CDH4: variants seen among roughly 807,000 people sequenced by gnomAD.
CDH4 encodes cadherin-4.
In CDH4, 33 loss-of-function variants were observed where a neutral mutation model predicts 86.0. The observed-to-expected ratio is 0.38, with a 90% CI of 0.29 to 0.51. The LOEUF (loss-of-function observed/expected upper bound fraction) is 0.51, where lower values mean the gene tolerates loss of function less well. Ranked by LOEUF, CDH4 falls within the 20% of genes least tolerant of loss-of-function variation. The pLI, the probability that CDH4 is intolerant of heterozygous loss-of-function variation, is 0.86. For missense variants in CDH4, 1,114 were observed against 1,307.4 expected (o/e 0.85, Z 2.28); for synonymous variants, 555 against 549.4 (o/e 1.01, Z -0.14).
chr20:61,648,404 G>A (rs2087087767), intron 2 of CDH4, among the ~76,000 whole-genome samples: 1 of 152,140 alleles, frequency 6.6e-6, no homozygotes, highest in Non-Finnish European at 1.5e-5. Context: ...AACCTCTGAG[G>A]GCCGGCAGTG....
intron 6 of CDH4, among the ~76,000 whole-genome samples, chr20:61,868,717 C>CACACTGGGCGGATGTCCCCCA: frequency 6.6e-6 from 1 of 152,228 alleles, no homozygotes; most frequent in Non-Finnish European, 1.5e-5. Flanking sequence ...GGTGTCCCCC[C>CACACTGGGCGGATGTCCCCCA]ACACTGGGCA....
intron 2 of CDH4, among the ~76,000 whole-genome samples, chr20:61,574,202 A>G (rs563820805): frequency 3.4e-4 from 52 of 152,328 alleles, no homozygotes; most frequent in African/African-American, 1.3e-3. Flanking sequence ...GCACACATAT[A>G]GATTCAAAAG....
At chr20:61,717,537 G>A (rs1406923804) in intron 2 of CDH4, 1 of 152,214 alleles carries the variant, frequency 6.6e-6, no homozygotes, top group Non-Finnish European at 1.5e-5. Flanking sequence ...ACCGAAGCTG[G>A]AGTGCAGTGG....
intron 2 of CDH4, among the ~76,000 whole-genome samples, chr20:61,260,985 G>T (rs911303659): frequency 3.3e-5 from 5 of 152,218 alleles, no homozygotes; most frequent in African/African-American, 1.2e-4. Context: ...GAGGGTCCTG[G>T]TAGCCCTGGT....
At position 61,377,385 on chromosome 20, in the gene CDH4, A is replaced by G. The variant is rs994407505; in HGVS notation, c.169+122448A>G. 6.6e-6 allele frequency among the ~76,000 whole-genome samples: 1 copy of G among 152,088 alleles called. No individual in the cohort carries two copies. Among genetic ancestry groups the G allele is most frequent in the Non-Finnish European group, 1.5e-5 (1 of 68,020 alleles). The stretch of plus-strand genomic sequence containing the variant: ...ATCGGACGGTTGAGTTGTGTGGTCC[A>G]GGGCTCTGCCGGCCCCGCCTCCTGG... On this transcript the variant is annotated intron_variant, in intron 2 of 15. Coordinates refer to ENST00000614565, the MANE Select transcript of CDH4 (RefSeq NM_001794.5). This position sits in a 1 kb window ranked among gnomAD's most constrained non-coding sequence, Gnocchi z 4.0.
At chr20:61,693,665 G>A (rs2087684629) in intron 2 of CDH4, among the ~76,000 whole-genome samples, 1 of 152,182 alleles carries the variant, frequency 6.6e-6, no homozygotes, top group African/African-American at 2.4e-5. Context: ...GCCTTCCTGA[G>A]CTACAGCGTT....
At position 61,780,851 on chromosome 20, in the gene CDH4, C is replaced by T. The variant is rs1329459231; in HGVS notation, c.576+7669C>T. Among the ~76,000 whole-genome samples the T allele has an allele frequency of 5.9e-5, 9 of 152,288 alleles. No individual in the cohort carries two copies. The South Asian group carries it at 1.9e-3, about 32-fold the overall frequency. ...GCCTTGCCTCAAAGGGTGAGTGGAT[C>T]TCAGGCAGGAAGCCACAGACGTGCT... is the stretch of plus-strand genomic sequence containing the variant. On this transcript the variant is annotated intron_variant, in intron 4 of 15. Transcript: ENST00000614565.
chr20:61,756,974 G>A (rs987191100), intron 3 of CDH4, among the ~76,000 whole-genome samples: 7 of 152,196 alleles, frequency 4.6e-5, no homozygotes, highest in South Asian at 2.1e-4. Context: ...GGCCCTCAAC[G>A]GGACTGAAAA....
chr20:61,758,750 C>T (rs944915019), intron 3 of CDH4, among the ~76,000 whole-genome samples: 9 of 152,210 alleles, frequency 5.9e-5, no homozygotes, highest in Middle Eastern at 3.2e-3. Flanking sequence ...GGCCTCCTGA[C>T]GGGGGACGAG....
intron 2 of CDH4, among the ~76,000 whole-genome samples, chr20:61,469,515 G>C (rs943921747): frequency 6.6e-6 from 1 of 152,108 alleles, no homozygotes; most frequent in Non-Finnish European, 1.5e-5. Flanking sequence ...TGGGTTGTCT[G>C]TTCACTTTGT....
intron 2 of CDH4, among the ~76,000 whole-genome samples, chr20:61,739,861 G>A (rs182384607): frequency 5.6e-4 from 86 of 152,338 alleles, no homozygotes; most frequent in African/African-American, 1.8e-3. Flanking sequence ...CTCTCCAGCC[G>A]ACGCCTCAGG....
At chr20:61,617,871 C>T (rs1412739857) in intron 2 of CDH4, among the ~76,000 whole-genome samples, 1 of 152,120 alleles carries the variant, frequency 6.6e-6, no homozygotes, top group Admixed American at 6.5e-5. Context: ...TGAGGAGGGA[C>T]CCGGTGGGAG....
At chr20:61,384,349 C>A (rs978914915) in intron 2 of CDH4, among the ~76,000 whole-genome samples, 3 of 152,098 alleles carry the variant, frequency 2.0e-5, no homozygotes, top group African/African-American at 7.2e-5. Flanking sequence ...GAGCATGGAA[C>A]CCAGGTCAGC....
Position 61,866,827 on chromosome 20 carries a change from G to A in CDH4, c.878-6901G>A, listed in dbSNP as rs538121911. Among the ~76,000 whole-genome samples, 6 of 152,334 alleles carry A rather than the reference G, an allele frequency of 3.9e-5. No homozygotes were observed. The South Asian group carries it at 6.2e-4, about 16-fold the overall frequency. ...GGCCTTAAAAAGCAGATTCCTGAAC[G>A]TAGCAAAAAGAAAAAAGCGTAGATG... On this transcript the variant is annotated intron_variant, in intron 6 of 15. Coordinates refer to ENST00000614565, the MANE Select transcript of CDH4 (RefSeq NM_001794.5).
chr20:61,507,104 A>G (rs186521720), intron 2 of CDH4, among the ~76,000 whole-genome samples: 123 of 152,322 alleles, frequency 8.1e-4, no homozygotes, highest in African/African-American at 2.6e-3. Context: ...CATGTGTGAG[A>G]TTGTTTAGCA....
intron 2 of CDH4, among the ~76,000 whole-genome samples, chr20:61,340,576 T>C (rs1319436780): frequency 6.6e-6 from 1 of 151,918 alleles, no homozygotes; most frequent in South Asian, 2.1e-4. Flanking sequence ...TTGTTTCTTT[T>C]ATTTATATGT....
chr20:61,665,904 G>A (rs542251891), intron 2 of CDH4, among the ~76,000 whole-genome samples: 145 of 152,282 alleles, frequency 9.5e-4, no homozygotes, highest in South Asian at 3.7e-3. Flanking sequence ...AAATCGCAGC[G>A]GTGGGACCGA....
chr20:61,691,856 T>C (rs746725258), intron 2 of CDH4, among the ~76,000 whole-genome samples: 3 of 151,566 alleles, frequency 2.0e-5, no homozygotes, highest in Non-Finnish European at 4.4e-5. Context: ...CATGACTGTG[T>C]ATCGCACACC....
intron 2 of CDH4, among the ~76,000 whole-genome samples, chr20:61,690,569 C>G (rs989494980): frequency 6.6e-5 from 10 of 152,160 alleles, no homozygotes; most frequent in Admixed American, 3.3e-4. Flanking sequence ...GAAGAGCCTC[C>G]TGGAGCAGGT....
Sources: allele counts gnomAD v4.1 joint callset (sites outside exome capture counted in the v4.1 genomes callset), GRCh38; gene constraint gnomAD v4.1.1; non-coding constraint Gnocchi (gnomAD v3.1); transcripts MANE v1.5; gene names NCBI Gene and HGNC (gene_info 2026-07-23, HGNC 2026-07-21).